WWOX: variants seen among roughly 807,000 people sequenced by gnomAD.
WWOX encodes the protein WW domain-containing oxidoreductase.
In WWOX, 69 loss-of-function variants were observed where a neutral mutation model predicts 46.2. That is an observed-to-expected ratio of 1.49 (90% confidence interval 1.23 to 1.82). WWOX has a LOEUF of 1.82. Ranked by LOEUF, WWOX falls within the 40% of genes most tolerant of loss-of-function variation. The pLI is 0.00. For missense variants in WWOX, 919 were observed against 542.6 expected, an observed-to-expected ratio of 1.69 and a Z score of -6.89; for synonymous variants, 359 against 202.6, an observed-to-expected ratio of 1.77 and a Z score of -6.56.
At chr16:78,836,965 A>T (rs1436698826) in intron 8 of WWOX, among the ~76,000 whole-genome samples, 3 of 152,132 alleles carry the variant, frequency 2.0e-5, no homozygotes, top group Non-Finnish European at 4.4e-5. Context: ...GCAGCAGAAG[A>T]GAGAAACAGG....
At chr16:78,219,343 C>T (rs2036818314) in intron 5 of WWOX, among the ~76,000 whole-genome samples, 1 of 152,088 alleles carries the variant, frequency 6.6e-6, no homozygotes, top group Non-Finnish European at 1.5e-5. Context: ...AATCTCTGGA[C>T]AATGGAGAAA....
At chr16:78,402,097 C>T (rs973095313) in intron 6 of WWOX, among the ~76,000 whole-genome samples, 16 of 152,222 alleles carry the variant, frequency 1.1e-4, no homozygotes, top group African/African-American at 3.4e-4. Context: ...AATTTCATCA[C>T]TCCAAAAAGA....
chr16:78,203,843 G>C (rs2036309167), intron 5 of WWOX, among the ~76,000 whole-genome samples: 2 of 152,242 alleles, frequency 1.3e-5, no homozygotes, highest in Non-Finnish European at 2.9e-5. Flanking sequence ...CTTTCTCATA[G>C]TATGATTACA....
chr16:79,039,991 C>T lies in WWOX; in HGVS notation c.1057-171617C>T, dbSNP rs1028972872. Among the ~76,000 whole-genome samples, 5 of 152,116 alleles carry T rather than the reference C, an allele frequency of 3.3e-5. No homozygotes were observed. The East Asian group carries it at 7.7e-4, about 23-fold the overall frequency. On this transcript the variant is annotated intron_variant, in intron 8 of 8. Transcript: ENST00000566780. ...ATACGATCATGCTGGTACATTTCAT[C>T]AAAGGTGGCAGTTACACTACCAGTT...
intron 8 of WWOX, among the ~76,000 whole-genome samples, chr16:78,591,729 G>A (rs1597317144): frequency 6.6e-6 from 1 of 152,198 alleles, no homozygotes; most frequent in Non-Finnish European, 1.5e-5. Context: ...GTACCTGATT[G>A]AGTAACTGCT....
At chr16:78,864,660 G>T (rs1296723871) in intron 8 of WWOX, among the ~76,000 whole-genome samples, 1 of 151,106 alleles carries the variant, frequency 6.6e-6, no homozygotes, top group African/African-American at 2.4e-5. Context: ...CCAGCTCTGA[G>T]ATTCCCTGTT....
chr16:78,846,211 C>T (rs1395880854), intron 8 of WWOX, among the ~76,000 whole-genome samples: 1 of 152,184 alleles, frequency 6.6e-6, no homozygotes, highest in Non-Finnish European at 1.5e-5. Flanking sequence ...CCCATGTACT[C>T]TTCACTCAGC....
chr16:78,817,833 G>C (rs923661026), intron 8 of WWOX, among the ~76,000 whole-genome samples: 2 of 152,092 alleles, frequency 1.3e-5, no homozygotes, highest in Non-Finnish European at 2.9e-5. Context: ...CCAGTGAAAA[G>C]TTTTCTGATG....
chr16:79,189,555 C>T (rs2051089915), intron 8 of WWOX, among the ~76,000 whole-genome samples: 1 of 151,640 alleles, frequency 6.6e-6, no homozygotes, highest in Non-Finnish European at 1.5e-5. Flanking sequence ...CCTACCTTGG[C>T]CTCTCAAAGT....
chr16:79,105,969 G>A (rs1281308658), intron 8 of WWOX: 1 of 152,080 alleles, frequency 6.6e-6, no homozygotes, highest in Non-Finnish European at 1.5e-5. Flanking sequence ...CACTGCACTG[G>A]GCCAGGAATA....
At chr16:78,745,522 CTTTTTT>C (rs5818168) in intron 8 of WWOX, among the ~76,000 whole-genome samples, 6 of 92,752 alleles carry the variant, frequency 6.5e-5, no homozygotes, top group South Asian at 7.4e-4. Context: ...TGTGGAAATC[CTTTTTT>C]TTTTTTTTTT....
intron 8 of WWOX, chr16:78,873,446 G>A (rs1199693629): frequency 2.0e-5 from 3 of 151,902 alleles, no homozygotes; most frequent in African/African-American, 7.3e-5. Context: ...AATGTAAGTT[G>A]TTCAGCCATT....
chr16:78,191,314 G>A (rs2035876599), intron 5 of WWOX, among the ~76,000 whole-genome samples: 1 of 152,096 alleles, frequency 6.6e-6, no homozygotes, highest in African/African-American at 2.4e-5. Flanking sequence ...CCTTGCTTTT[G>A]GACCATTGAG....
At chr16:78,101,363 T>TTTTTTTTTTTA (rs1555533361) in intron 1 of WWOX, among the ~76,000 whole-genome samples, 2 of 143,422 alleles carry the variant, frequency 1.4e-5, no homozygotes, top group African/African-American at 5.1e-5. Context: ...TTTTTTTTTT[T>TTTTTTTTTTTA]AAAGACAGGG....
chr16:78,115,170 A>T lies in WWOX; in HGVS notation c.409+16A>T, dbSNP rs12934985. The T allele has an allele frequency of 4.0e-4, 647 of 1,613,860 alleles. 2 individuals carry two copies. The highest frequency in any genetic ancestry group is 4.6e-4 in the Non-Finnish European group (541 of 1,179,908). On this transcript the variant is annotated intron_variant, in intron 4 of 8. Coordinates refer to ENST00000566780, the MANE Select transcript of WWOX (RefSeq NM_016373.4). ...TCAGGAATAGGTAGGCTCTTCACTT[A>T]GTTATTTATCTTTGGGACTGCTATA... is the stretch of plus-strand genomic sequence containing the variant.
At chr16:79,167,448 G>A (rs1267985794) in intron 8 of WWOX, among the ~76,000 whole-genome samples, 1 of 152,094 alleles carries the variant, frequency 6.6e-6, no homozygotes, top group African/African-American at 2.4e-5. Context: ...TGGAGACAGG[G>A]AGACATTTAG....
At chr16:78,323,186 C>T (rs568823468) in intron 5 of WWOX, among the ~76,000 whole-genome samples, 6 of 152,110 alleles carry the variant, frequency 3.9e-5, no homozygotes, top group African/African-American at 1.4e-4. Flanking sequence ...CAGCTCACTA[C>T]ATCTCTGCCT....
At chr16:79,078,770 T>G (rs6564640) in intron 8 of WWOX, among the ~76,000 whole-genome samples, 106,574 of 152,118 alleles carry the variant, frequency 0.7, 38,747 homozygotes, top group African/African-American at 0.9. Flanking sequence ...TTTTAGAATG[T>G]CTTCACTTCT....
rs999223338 is a variant in WWOX at position 78,814,784 on chromosome 16, G to A, written c.1056+382032G>A. ...TAAGACATTACAGCCAAGGCCTTCT[G>A]GTTGAAGTTGGGGAACTGTGGGCGT... On this transcript the variant is annotated intron_variant, in intron 8 of 8. Transcript: ENST00000566780. Among the ~76,000 whole-genome samples the A allele has an allele frequency of 2.0e-5, 3 of 152,188 alleles. No individual in the cohort carries two copies. The East Asian group carries it at 5.8e-4, about 29-fold the overall frequency.
Sources: gnomAD v4.1 joint callset for allele counts (sites outside exome capture counted in the v4.1 genomes callset) on GRCh38, gnomAD v4.1.1 for gene constraint, MANE v1.5 for transcripts, NCBI Gene and HGNC (gene_info 2026-07-23, HGNC 2026-07-21) for gene names.